Variants in TFCP2 observed in about 807,000 individuals in gnomAD.
TFCP2 encodes the protein transcription factor CP2.
Under a neutral mutation model 73.4 loss-of-function variants are expected in TFCP2, and 33 were observed. The observed-to-expected ratio is 0.45, with a 90% confidence interval of 0.34 to 0.60. The LOEUF is 0.60. TFCP2 is among the 20% of genes least tolerant of loss of function. The pLI is 0.01. For synonymous variants in TFCP2, 193 were observed against 211.6 expected (o/e 0.91, Z 0.76); for missense variants, 352 against 604.0 (o/e 0.58, Z 4.37).
At chr12:51,136,176 G>A (rs1941055931) in intron 1 of TFCP2, among the ~76,000 whole-genome samples, 1 of 151,968 alleles carries the variant, frequency 6.6e-6, no homozygotes, top group African/African-American at 2.4e-5. Context: ...AGGTGTGGTG[G>A]CAGGTGCCTG....
In TFCP2 at chr12:51,172,630, G is replaced by T. The variant is rs917092876; in HGVS notation, c.-208C>A. ...GGCTGCTCGTTCTTGGCTGCCCCAG[G>T]TTCCAAAATCCCCCCTGCCCAGCTC... is the stretch of plus-strand genomic sequence containing the variant. On this transcript the variant is annotated 5_prime_UTR_variant, in exon 1 of 15. Coordinates refer to ENST00000257915, the MANE Select transcript of TFCP2 (RefSeq NM_005653.5). The T allele has an allele frequency of 2.2e-5, 13 of 593,128 alleles. No individual in the cohort carries two copies. The highest frequency in any genetic ancestry group is 1.3e-4 in the Admixed American group (4 of 30,618). 36.7% of individuals were successfully genotyped at this position (593,128 alleles called of 1,614,324 possible). A position where few individuals can be genotyped will look rare whatever the true frequency, so the allele number is the denominator to read the frequency against.
chr12:51,155,488 T>C (rs1055481877), intron 1 of TFCP2, among the ~76,000 whole-genome samples: 2 of 152,208 alleles, frequency 1.3e-5, no homozygotes, highest in Admixed American at 6.5e-5. Flanking sequence ...GCTATGCCAT[T>C]TGACACGACT....
intron 5 of TFCP2, among the ~76,000 whole-genome samples, chr12:51,109,909 G>C (rs2136972812): frequency 6.6e-6 from 1 of 152,112 alleles, no homozygotes; most frequent in African/African-American, 2.4e-5. Context: ...AGTAGAGACA[G>C]GTTTTCGCCA....
At chr12:51,135,192 C>T (rs375493552) in intron 1 of TFCP2, among the ~76,000 whole-genome samples, 156 of 151,826 alleles carry the variant, frequency 1.0e-3, no homozygotes, top group African/African-American at 3.6e-3. Context: ...TTTGGGAGGC[C>T]GAGGCGGGCG....
chr12:51,116,904 A>G (rs1220768935), intron 3 of TFCP2, among the ~76,000 whole-genome samples: 1 of 152,206 alleles, frequency 6.6e-6, no homozygotes, highest in Non-Finnish European at 1.5e-5. Context: ...GGCGTGAGCC[A>G]CCGGGTCCAG....
chr12:51,171,487 C>T (rs1375963687), intron 1 of TFCP2, among the ~76,000 whole-genome samples: 1 of 152,222 alleles, frequency 6.6e-6, no homozygotes, highest in Non-Finnish European at 1.5e-5. Context: ...AAGCGATTCT[C>T]CTGCCTCAGC....
intron 1 of TFCP2, among the ~76,000 whole-genome samples, chr12:51,129,849 C>G (rs1188839279): frequency 1.0e-5 from 1 of 98,310 alleles, no homozygotes; most frequent in Non-Finnish European, 2.3e-5. Context: ...AAAAAAAAAG[C>G]AGCAGCAGCT....
chr12:51,125,086 T>C, intron 1 of TFCP2: 2 of 756,128 alleles, frequency 2.6e-6, no homozygotes, highest in Non-Finnish European at 4.9e-6. Context: ...TCCTCTCCGA[T>C]GCTGGTGAAG....
chr12:51,159,728 TCC>T (rs1360950241), intron 1 of TFCP2, among the ~76,000 whole-genome samples: 2 of 151,856 alleles, frequency 1.3e-5, no homozygotes, highest in East Asian at 3.9e-4. Flanking sequence ...GCTCAAGCAA[TCC>T]TCTCGCCTCA....
intron 1 of TFCP2, among the ~76,000 whole-genome samples, chr12:51,143,942 C>T (rs1466314455): frequency 6.6e-6 from 1 of 152,206 alleles, no homozygotes; most frequent in Admixed American, 6.5e-5. Context: ...AGGCTGGATA[C>T]ATATGCCGAT....
intron 8 of TFCP2, 109 bp downstream of exon 8, chr12:51,106,416 C>G (rs1367134546): frequency 2.6e-6 from 2 of 778,556 alleles, no homozygotes; most frequent in African/African-American, 1.8e-5. Context: ...CATCAAAGAA[C>G]GACCAAATAG....
intron 13 of TFCP2, 28 bp downstream of exon 13, chr12:51,098,747 TG>T: frequency 6.2e-7 from 1 of 1,613,020 alleles, no homozygotes; most frequent in East Asian, 2.2e-5. Flanking sequence ...AATCATCATC[TG>T]GTAATTCAAC....
intron 1 of TFCP2, among the ~76,000 whole-genome samples, chr12:51,124,188 T>C (rs1445699676): frequency 2.0e-5 from 3 of 152,086 alleles, no homozygotes; most frequent in Non-Finnish European, 2.9e-5. Flanking sequence ...CTTCAATTCC[T>C]GGGTTCAAGG....
intron 6 of TFCP2, among the ~76,000 whole-genome samples, chr12:51,108,367 G>A (rs1205667660): frequency 2.6e-5 from 4 of 152,144 alleles, no homozygotes; most frequent in Admixed American, 2.6e-4. Context: ...GGAAGAGGTT[G>A]TGGAGGGGGT....
chr12:51,133,744 T>G (rs1271634865), intron 1 of TFCP2, among the ~76,000 whole-genome samples: 4 of 151,880 alleles, frequency 2.6e-5, no homozygotes, highest in Admixed American at 2.0e-4. Flanking sequence ...CTGGCCAACA[T>G]GGTAAAACCC....
At chr12:51,098,650 C>A in intron 13 of TFCP2, 126 bp downstream of exon 13, 2 of 1,144,426 alleles carry the variant, frequency 1.7e-6, no homozygotes, top group Non-Finnish European at 1.2e-6. Context: ...AGGAGGAAAG[C>A]AAGCAAAAAA....
At chr12:51,143,151 T>C (rs1427363755) in intron 1 of TFCP2, among the ~76,000 whole-genome samples, 6 of 151,984 alleles carry the variant, frequency 3.9e-5, no homozygotes, top group Non-Finnish European at 8.8e-5. Context: ...TTTAAGTATC[T>C]CTTTATTCTG....
chr12:51,163,432 A>G (rs1228604020), intron 1 of TFCP2, among the ~76,000 whole-genome samples: 2 of 152,154 alleles, frequency 1.3e-5, no homozygotes, highest in Non-Finnish European at 2.9e-5. Context: ...TCTACTAAAA[A>G]TACAAAAATT....
Position 51,154,072 on chromosome 12 carries a change from G to A in TFCP2, c.122+18229C>T, listed in dbSNP as rs190472203. Reference sequence around the variant, plus strand: ...TTTTTTTACTAGCAGCCATCCTAAAGGCTGAATAATATTCCATTGTATGTA... The same window carrying A: ...TTTTTTTACTAGCAGCCATCCTAAAAGCTGAATAATATTCCATTGTATGTA... On this transcript the variant is annotated intron_variant, in intron 1 of 14. Coordinates refer to ENST00000257915, the MANE Select transcript of TFCP2 (RefSeq NM_005653.5). Among the ~76,000 whole-genome samples the A allele has an allele frequency of 3.5e-3, 539 of 152,198 alleles. 3 individuals carry two copies. The highest frequency in any genetic ancestry group is 0.01 in the South Asian group (50 of 4,824).
Sources: gnomAD v4.1 joint callset for allele counts (sites outside exome capture counted in the v4.1 genomes callset) on GRCh38, gnomAD v4.1.1 for gene constraint, MANE v1.5 for transcripts, NCBI Gene and HGNC (gene_info 2026-07-23, HGNC 2026-07-21) for gene names.